ARHGEF9: variants seen among roughly 807,000 people sequenced by gnomAD.
ARHGEF9 encodes the protein rho guanine nucleotide exchange factor 9.
A neutral mutation model predicts 41.3 loss-of-function variants in ARHGEF9; 2 were observed. That is an observed-to-expected ratio of 0.05 (90% CI 0.02 to 0.15). The LOEUF (loss-of-function observed/expected upper bound fraction) is 0.15. ARHGEF9 is among the 10% of genes least tolerant of loss of function. ARHGEF9 has a pLI of 1.00. For synonymous variants in ARHGEF9, 160 were observed against 154.4 expected (o/e 1.04, Z -0.27); for missense variants, 225 against 424.7 (o/e 0.53, Z 4.13).
intron 1 of ARHGEF9, among the ~76,000 whole-genome samples, chrX:63,748,407 T>G (rs2055403003): frequency 8.9e-6 from 1 of 112,210 alleles, no homozygotes; most frequent in Non-Finnish European, 1.9e-5. Flanking sequence ...ACAAATAGAA[T>G]TTAACTGATG....
intron 8 of ARHGEF9, among the ~76,000 whole-genome samples, chrX:63,648,569 C>G (rs2048295256): frequency 9.0e-6 from 1 of 111,393 alleles, no homozygotes; most frequent in Non-Finnish European, 1.9e-5. Flanking sequence ...CAGCTAAGAT[C>G]ATAATGACAG....
chrX:63,650,975 C>G lies in ARHGEF9; in HGVS notation c.1321+4519G>C, dbSNP rs112355371. ...AATCCAGAGGAAATGAACAATTTCCCAGAAAAATAGAAATTATCAAAAGTA... is the reference window on the plus strand; with the variant it reads ...AATCCAGAGGAAATGAACAATTTCCGAGAAAAATAGAAATTATCAAAAGTA... On this transcript the variant is annotated intron_variant, in intron 8 of 9. Transcript: ENST00000671741. Among the ~76,000 whole-genome samples the G allele has an allele frequency of 2.7e-3, 301 of 109,978 alleles. 1 individual carries two copies. The highest frequency in any genetic ancestry group is 9.2e-3 in the African/African-American group (281 of 30,475).
chrX:63,694,545 C>T (rs1602432894), intron 4 of ARHGEF9, among the ~76,000 whole-genome samples: 1 of 112,121 alleles, frequency 8.9e-6, no homozygotes, highest in South Asian at 3.7e-4. Flanking sequence ...AAGATATATG[C>T]AACAGCATGG....
At chrX:63,726,832 C>T (rs1556417399) in intron 1 of ARHGEF9, 1 of 111,848 alleles carries the variant, frequency 8.9e-6, no homozygotes, top group African/African-American at 3.3e-5. Context: ...AGCCAGTTGG[C>T]TCCTATTCTT....
chrX:63,675,296 C>T (rs2050192494), intron 5 of ARHGEF9, among the ~76,000 whole-genome samples: 2 of 111,950 alleles, frequency 1.8e-5, no homozygotes, highest in African/African-American at 3.3e-5. Context: ...CAGTATAGAC[C>T]ACCTTATCAT....
intron 2 of ARHGEF9, among the ~76,000 whole-genome samples, chrX:63,709,758 G>C (rs2052788880): frequency 9.0e-6 from 1 of 111,457 alleles, no homozygotes; most frequent in Admixed American, 9.5e-5. Context: ...CTCCCAGACT[G>C]GTCTATTTTC....
intron 2 of ARHGEF9, among the ~76,000 whole-genome samples, chrX:63,724,276 A>G (rs2053825411): frequency 1.8e-5 from 2 of 112,039 alleles, no homozygotes; most frequent in Non-Finnish European, 3.8e-5. Context: ...GACCCAGACA[A>G]GGTAAGTGAT....
intron 2 of ARHGEF9, among the ~76,000 whole-genome samples, chrX:63,709,474 T>C (rs146940176): frequency 0.01 from 1,130 of 111,948 alleles, 9 homozygotes; most frequent in African/African-American, 0.035. Flanking sequence ...CTCCCTTTTC[T>C]ATTTTCACTG....
chrX:63,746,913 T>C (rs1556434617), intron 1 of ARHGEF9, among the ~76,000 whole-genome samples: 1 of 111,852 alleles, frequency 8.9e-6, no homozygotes, highest in Admixed American at 9.5e-5. Context: ...TGCGTGTTCA[T>C]ACAGTCTCCT....
intron 1 of ARHGEF9, among the ~76,000 whole-genome samples, chrX:63,757,359 A>G (rs2055954209): frequency 1.8e-5 from 2 of 111,643 alleles, no homozygotes; most frequent in South Asian, 7.6e-4. Flanking sequence ...GGACCCCAGA[A>G]TGAAAGTTCT....
chrX:63,736,076 G>A (rs2054602257), intron 1 of ARHGEF9, among the ~76,000 whole-genome samples: 1 of 111,966 alleles, frequency 8.9e-6, no homozygotes, highest in Non-Finnish European at 1.9e-5. Context: ...CAGCCATTGG[G>A]TCAGGCCCCA....
At chrX:63,713,925 A>C (rs2147556103) in intron 2 of ARHGEF9, among the ~76,000 whole-genome samples, 1 of 111,838 alleles carries the variant, frequency 8.9e-6, no homozygotes, top group Non-Finnish European at 1.9e-5. Flanking sequence ...AATTATATGA[A>C]GTATCATAAT....
intron 1 of ARHGEF9, among the ~76,000 whole-genome samples, chrX:63,770,806 T>C (rs1431966919): frequency 8.9e-6 from 1 of 112,277 alleles, no homozygotes; most frequent in Non-Finnish European, 1.9e-5. Flanking sequence ...TGGTACATTC[T>C]CTTTGCCTGC....
intron 4 of ARHGEF9, among the ~76,000 whole-genome samples, chrX:63,686,265 A>G (rs1353677054): frequency 8.9e-6 from 1 of 112,054 alleles, no homozygotes; most frequent in African/African-American, 3.2e-5. Context: ...TAAGCCAGGC[A>G]CAAAAAGACA....
intron 1 of ARHGEF9, chrX:63,755,247 G>C (rs2055890819): frequency 1.1e-6 from 1 of 936,049 alleles, no homozygotes; most frequent in African/African-American, 2.0e-5. Flanking sequence ...CACGTTCGCT[G>C]CCCAGGGGCG....
intron 1 of ARHGEF9, among the ~76,000 whole-genome samples, chrX:63,740,479 G>A (rs782610710): frequency 1.5e-3 from 173 of 112,227 alleles, no homozygotes; most frequent in Non-Finnish European, 2.8e-3. Context: ...TAGCCTAGCT[G>A]AGCCTTTCCA....
At chrX:63,758,503 G>A (rs1464364911) in intron 1 of ARHGEF9, among the ~76,000 whole-genome samples, 1 of 112,821 alleles carries the variant, frequency 8.9e-6, no homozygotes, top group Non-Finnish European at 1.9e-5. Flanking sequence ...TCTGTAGTGT[G>A]GCATAAAATG....
In ARHGEF9 at chrX:63,635,499, AT is replaced by A. The variant is rs2047275494; in HGVS notation, c.*2528del. 3 of 495,163 alleles carry A rather than the reference AT, an allele frequency of 6.1e-6. No homozygotes were observed. The highest frequency in any genetic ancestry group is 4.8e-5 in the African/African-American group (2 of 41,249). The allele number at this position is 495,163 out of a possible 1,213,427, so 40.8% of individuals were successfully genotyped here. Reference sequence around the variant, plus strand: ...ACAGGTTAGGATACTGAACCCAGGTATTTAATTGGGCTCCCCTTGGGGCTGT... The same window carrying A: ...ACAGGTTAGGATACTGAACCCAGGTATTAATTGGGCTCCCCTTGGGGCTGT... On this transcript the variant is annotated 3_prime_UTR_variant, in exon 10 of 10. Transcript: ENST00000671741.
intron 1 of ARHGEF9, among the ~76,000 whole-genome samples, chrX:63,777,025 T>C (rs2056304875): frequency 8.9e-6 from 1 of 111,917 alleles, no homozygotes; most frequent in South Asian, 3.8e-4. Context: ...AACACTGCTC[T>C]ATTTTGCACC....
Sources: gnomAD v4.1 joint callset for allele counts (sites outside exome capture counted in the v4.1 genomes callset) on GRCh38, gnomAD v4.1.1 for gene constraint, MANE v1.5 for transcripts, NCBI Gene and HGNC (gene_info 2026-07-23, HGNC 2026-07-21) for gene names.